Variants in CD8B observed in about 807,000 individuals in gnomAD.
The protein encoded by CD8B is T-cell surface glycoprotein CD8 beta chain.
A neutral mutation model predicts 24.2 loss-of-function variants in CD8B; 6 were observed. The ratio of observed to expected loss-of-function variants is 0.25; its 90% CI spans 0.14 to 0.49. CD8B has a LOEUF of 0.49. Ranked by LOEUF, CD8B falls within the 20% of genes least tolerant of loss-of-function variation. The probability of loss-of-function intolerance (pLI) is 0.98; values close to 1 mark genes in which losing one functional copy is unlikely to be tolerated. For missense variants in CD8B, 196 were observed against 271.3 expected, an observed-to-expected ratio of 0.72 and a Z score of 1.95; for synonymous variants, 84 against 108.3, an observed-to-expected ratio of 0.78 and a Z score of 1.39.
downstream of CD8B, among the ~76,000 whole-genome samples, chr2:86,835,264 C>T (rs1371528276): frequency 6.6e-6 from 1 of 152,158 alleles, no homozygotes; most frequent in African/African-American, 2.4e-5. Context: ...GGGCTTTGAG[C>T]AGGGCCCACA....
downstream of CD8B, among the ~76,000 whole-genome samples, chr2:86,837,150 C>G (rs1395933581): frequency 6.6e-6 from 1 of 152,234 alleles, no homozygotes; most frequent in Non-Finnish European, 1.5e-5. Flanking sequence ...GAGCAACACC[C>G]TGTCTCAAAC....
At chr2:86,828,603 A>G (rs563979792) in intron 5 of CD8B, among the ~76,000 whole-genome samples, 21 of 152,260 alleles carry the variant, frequency 1.4e-4, no homozygotes, top group African/African-American at 5.1e-4. Context: ...TTCACAGCCA[A>G]TGTGTTAAGT....
At chr2:86,858,817 T>TACAC (rs937104426) in intron 1 of CD8B, among the ~76,000 whole-genome samples, 7 of 151,280 alleles carry the variant, frequency 4.6e-5, no homozygotes, top group Non-Finnish European at 1.0e-4. Context: ...ACTATCATAG[T>TACAC]ACACTTCAGC....
intron 5 of CD8B, among the ~76,000 whole-genome samples, chr2:86,821,504 C>A (rs1193015194): frequency 6.6e-6 from 1 of 152,152 alleles, no homozygotes; most frequent in African/African-American, 2.4e-5. Flanking sequence ...CCTTGTCCTG[C>A]GGACACACTT....
chr2:86,847,001 A>C (rs923126807), intron 3 of CD8B, among the ~76,000 whole-genome samples: 1 of 123,566 alleles, frequency 8.1e-6, no homozygotes. Flanking sequence ...GCAGTGGTGC[A>C]TTCTCAGCTT....
chr2:86,833,480 TCTCCTCTCCTCTCCTCCC>T (rs1675011190), downstream of CD8B, among the ~76,000 whole-genome samples: 1 of 136,152 alleles, frequency 7.3e-6, no homozygotes, highest in Non-Finnish European at 1.6e-5. Context: ...CACCCGGCCC[TCTCCTCTCCTCTCCTCCC>T]CTCCCCTCCG....
At chr2:86,850,743 A>G (rs1558760422) in intron 3 of CD8B, among the ~76,000 whole-genome samples, 1 of 152,166 alleles carries the variant, frequency 6.6e-6, no homozygotes, top group Non-Finnish European at 1.5e-5. Flanking sequence ...TTAATAACCT[A>G]TTAATGTTTG....
downstream of CD8B, chr2:86,815,389 T>C (rs1353723752): frequency 2.0e-6 from 1 of 502,744 alleles, no homozygotes; most frequent in East Asian, 3.3e-5. Flanking sequence ...TGGGCAAATT[T>C]ATTCAAGATG....
intron 5 of CD8B, among the ~76,000 whole-genome samples, chr2:86,844,183 T>C (rs1675562159): frequency 1.3e-5 from 2 of 151,828 alleles, no homozygotes; most frequent in Non-Finnish European, 2.9e-5. Flanking sequence ...GGTGACTAAA[T>C]GGCCACCACT....
chr2:86,830,341 C>T (rs758823978), intron 5 of CD8B, among the ~76,000 whole-genome samples: 1 of 152,076 alleles, frequency 6.6e-6, no homozygotes. Flanking sequence ...AGCACTTTGG[C>T]GAGTCAGTTG....
chr2:86,848,076 A>G (rs1419787565), intron 3 of CD8B, among the ~76,000 whole-genome samples: 2 of 146,060 alleles, frequency 1.4e-5, no homozygotes, highest in Admixed American at 1.4e-4. Flanking sequence ...ACTTTTACAA[A>G]TAACTCTGCA....
At chr2:86,833,978 T>C (rs1280710838), downstream of CD8B, among the ~76,000 whole-genome samples, 1 of 152,170 alleles carries the variant, frequency 6.6e-6, no homozygotes, top group African/African-American at 2.4e-5. Flanking sequence ...ATTCTTTTGA[T>C]GGCTACACGA....
At chr2:86,834,935 CA>C (rs59354571), downstream of CD8B, among the ~76,000 whole-genome samples, 604 of 93,872 alleles carry the variant, frequency 6.4e-3, 2 homozygotes, top group African/African-American at 0.018. Flanking sequence ...AACTCTGTCT[CA>C]AAAAAAAAAA....
At chr2:86,846,231 G>A (rs1675667294) in intron 4 of CD8B, among the ~76,000 whole-genome samples, 2 of 152,182 alleles carry the variant, frequency 1.3e-5, no homozygotes, top group African/African-American at 4.8e-5. Context: ...GTCGTGGAGA[G>A]GATTTCTAGC....
chr2:86,842,410 A>G, intron 5 of CD8B, 91 bp from the exon 6 acceptor site: 1 of 1,568,566 alleles, frequency 6.4e-7, no homozygotes, highest in Admixed American at 1.8e-5. Flanking sequence ...ATGAGAATGC[A>G]GAGTTCTACT....
At chr2:86,816,436 C>A (rs374983750) in intron 5 of CD8B, among the ~76,000 whole-genome samples, 14 of 152,146 alleles carry the variant, frequency 9.2e-5, no homozygotes, top group African/African-American at 3.4e-4. Flanking sequence ...TTATCAAATT[C>A]ATATGGAAGT....
rs1675435924 is a variant in CD8B at position 86,841,746 on chromosome 2, C to T, written c.*561G>A. ...GATGAAGTGAACTCCTATCCTCAAA[C>T]CCGCAAGTTCCCGGCCCCAAAGGAA... On this transcript the variant is annotated 3_prime_UTR_variant, in exon 6 of 6. Transcript: ENST00000390655. 1.0e-5 allele frequency: 10 copies of T among 985,554 alleles called. 1 individual carries two copies. The highest frequency in any genetic ancestry group is 1.2e-5 in the Non-Finnish European group (10 of 830,048). 61.1% of individuals were successfully genotyped at this position (985,554 alleles called of 1,614,324 possible).
At chr2:86,844,681 T>TA in intron 5 of CD8B, 1 of 1,497,830 alleles carries the variant, frequency 6.7e-7, no homozygotes, top group African/African-American at 1.4e-5. Context: ...CTCACTCTGT[T>TA]GCCCAGGCTG....
chr2:86,851,090 C>CA (rs111384074), intron 3 of CD8B, among the ~76,000 whole-genome samples: 23,551 of 106,466 alleles, frequency 0.22, 2,125 homozygotes, highest in Admixed American at 0.29. Flanking sequence ...GACTCCATTT[C>CA]AAAAAAAAAA....
Sources: gnomAD v4.1 joint callset for allele counts (sites outside exome capture counted in the v4.1 genomes callset) on GRCh38, gnomAD v4.1.1 for gene constraint, MANE v1.5 for transcripts, NCBI Gene and HGNC (gene_info 2026-07-23, HGNC 2026-07-21) for gene names.